BCOR: variants seen among roughly 807,000 people sequenced by gnomAD.
BCOR encodes the protein BCL-6 corepressor.
Under a neutral mutation model 86.7 loss-of-function variants are expected in BCOR, and 10 were observed. The observed-to-expected ratio is 0.12, with a 90% CI of 0.07 to 0.20. BCOR has a LOEUF of 0.20. BCOR is among the 10% of genes least tolerant of loss of function. The pLI, the probability that BCOR is intolerant of heterozygous loss-of-function variation, is 1.00. For missense variants in BCOR, 1,259 were observed against 1,452.1 expected, an observed-to-expected ratio of 0.87 and a Z score of 2.16; for synonymous variants, 611 against 609.0, an observed-to-expected ratio of 1.00 and a Z score of -0.05.
At chrX:40,056,008 C>T (rs1011152677) in intron 11 of BCOR, among the ~76,000 whole-genome samples, 2 of 108,882 alleles carry the variant, frequency 1.8e-5, no homozygotes, top group Admixed American at 9.9e-5. Context: ...TTTGTAGGGA[C>T]GGGGTCTTAC....
intron 1 of BCOR, among the ~76,000 whole-genome samples, chrX:40,171,584 G>A (rs748111699): frequency 1.8e-5 from 2 of 112,777 alleles, no homozygotes; most frequent in South Asian, 3.7e-4. Flanking sequence ...GCGCTAGAGC[G>A]GATGGAAACC....
chrX:40,168,608 C>T (rs1299741653), intron 1 of BCOR, among the ~76,000 whole-genome samples: 1 of 112,370 alleles, frequency 8.9e-6, no homozygotes, highest in Non-Finnish European at 1.9e-5. Flanking sequence ...GCGCGCACAC[C>T]TCACCTCCAC....
chrX:40,169,854 G>A (rs1330107857), intron 1 of BCOR, among the ~76,000 whole-genome samples: 1 of 111,477 alleles, frequency 9.0e-6, no homozygotes, highest in Non-Finnish European at 1.9e-5. Flanking sequence ...GGGGCAATGA[G>A]GTGGAGACGG....
Position 40,139,446 on chromosome X carries a change from A to AC in BCOR, c.-41+37560_-41+37561insG, listed in dbSNP as rs35673283. On this transcript the variant is annotated intron_variant, in intron 1 of 14. Transcript: ENST00000342274. ...TATACATATATATATATATATATAT[A>AC]ATATATATACATATATATATATATA... Among the ~76,000 whole-genome samples the AC allele has an allele frequency of 1.1e-3, 6 of 5,219 alleles. 1 individual carries two copies. The highest frequency in any genetic ancestry group is 8.3e-3 in the South Asian group (1 of 120). The allele number at this position is 5,219 out of a possible 115,157, so 4.5% of individuals were successfully genotyped here.
intron 1 of BCOR, among the ~76,000 whole-genome samples, chrX:40,088,475 G>A (rs1007686471): frequency 5.4e-5 from 6 of 111,386 alleles, no homozygotes; most frequent in African/African-American, 2.0e-4. Context: ...GAGGGAGGAG[G>A]AGGGGGAGAG....
At chrX:40,089,390 T>C (rs1033742264) in intron 1 of BCOR, among the ~76,000 whole-genome samples, 1 of 111,593 alleles carries the variant, frequency 9.0e-6, no homozygotes, top group Non-Finnish European at 1.9e-5. Flanking sequence ...AATTGTGCCA[T>C]TTGAAATCCT....
chrX:40,092,595 CA>C (rs1236533878), intron 1 of BCOR, among the ~76,000 whole-genome samples: 2 of 111,833 alleles, frequency 1.8e-5, no homozygotes, highest in African/African-American at 6.5e-5. Context: ...AGCAGTGCAA[CA>C]GCCATTCCTA....
chrX:40,109,051 C>T (rs1408931874), intron 1 of BCOR, among the ~76,000 whole-genome samples: 1 of 113,072 alleles, frequency 8.8e-6, no homozygotes, highest in Non-Finnish European at 1.9e-5. Context: ...CTGGCCCGCA[C>T]GATTCGCTCG....
upstream of BCOR, among the ~76,000 whole-genome samples, chrX:40,099,114 C>T (rs933029401): frequency 5.3e-5 from 6 of 112,810 alleles, no homozygotes; most frequent in Non-Finnish European, 1.1e-4. Flanking sequence ...TCGTGCTGAT[C>T]GGTGCTTGGC....
At chrX:40,105,096 T>TCAG (rs1022885841) in intron 1 of BCOR, among the ~76,000 whole-genome samples, 2 of 110,863 alleles carry the variant, frequency 1.8e-5, no homozygotes, top group African/African-American at 3.3e-5. Flanking sequence ...GCCCGCCATA[T>TCAG]CAGCAGCAGC....
chrX:40,169,850 A>G (rs1255950305), intron 1 of BCOR, among the ~76,000 whole-genome samples: 1 of 109,669 alleles, frequency 9.1e-6, no homozygotes. Context: ...ACGGGGGGCA[A>G]TGAGGTGGAG....
rs763713717 is a variant in BCOR at position 40,074,508 on chromosome X, C to T, written c.838G>A (p.Val280Ile). 10 of 1,204,791 alleles carry T rather than the reference C, an allele frequency of 8.3e-6. No homozygotes were observed. Among genetic ancestry groups the T allele is most frequent in the South Asian group, 3.6e-5 (2 of 55,993 alleles). ...PSASPAIPPL[V>I]HCADKSLPWK... is the part of the protein sequence containing the mutation. ...GGGAGGCTTTTGTCTGCGCAATGGA[C>T]GAGAGGCGGGATGGCTGGGGAGGCC... Residue 280 changes from valine to isoleucine, a missense_variant, in exon 4 of 15, where the codon GTC (valine) becomes ATC (isoleucine). Physicochemically the swap from Val to Ile is conservative, Grantham distance 29. Transcript: ENST00000378444.
At chrX:40,175,283 G>A (rs1206532217) in intron 1 of BCOR, among the ~76,000 whole-genome samples, 1 of 113,456 alleles carries the variant, frequency 8.8e-6, no homozygotes, top group East Asian at 2.8e-4. Flanking sequence ...GGCCCCGCGC[G>A]CGTAAGCGCG....
At chrX:40,143,137 G>A (rs1315789349) in intron 1 of BCOR, among the ~76,000 whole-genome samples, 1 of 112,029 alleles carries the variant, frequency 8.9e-6, no homozygotes, top group Non-Finnish European at 1.9e-5. Context: ...AAGGACTGGC[G>A]AGCTGCAGGG....
chrX:40,063,936 C>T lies in BCOR; in HGVS notation c.3519G>A (p.Arg1173=). 1.7e-6 allele frequency: 2 copies of T among 1,200,732 alleles called. No individual in the cohort carries two copies. Among genetic ancestry groups the T allele is most frequent in the Non-Finnish European group, 2.3e-6 (2 of 888,402 alleles). The change falls in exon 8 of 15, where the codon AGG becomes AGA. Residue 1173 remains arginine (R), a synonymous_variant. Coordinates refer to ENST00000378444, the MANE Select transcript of BCOR (RefSeq NM_001123385.2). ...RRVSKDDWPE[R]EMTNSSSNHL... is the part of the protein sequence containing the mutation. ...GGTTAGAGGAACTGTTTGTCATTTCCCTCTCAGGCCAGTCATCTAATGGAG... is the reference window on the plus strand; with the variant it reads ...GGTTAGAGGAACTGTTTGTCATTTCTCTCTCAGGCCAGTCATCTAATGGAG...
intron 1 of BCOR, among the ~76,000 whole-genome samples, chrX:40,175,472 A>G (rs1938725337): frequency 8.8e-6 from 1 of 113,362 alleles, no homozygotes; most frequent in South Asian, 3.5e-4. Context: ...CTTTTCCAAC[A>G]GAAAGTGTGT....
intron 1 of BCOR, among the ~76,000 whole-genome samples, chrX:40,136,290 T>C (rs1046189315): frequency 8.9e-6 from 1 of 111,959 alleles, no homozygotes; most frequent in African/African-American, 3.2e-5. Flanking sequence ...GAACCACAGG[T>C]GACCCACTGA....
At chrX:40,155,027 G>A (rs1938258359) in intron 1 of BCOR, among the ~76,000 whole-genome samples, 1 of 110,709 alleles carries the variant, frequency 9.0e-6, no homozygotes, top group Admixed American at 9.4e-5. Context: ...GCCGCGGCCC[G>A]CAGTGCGCCC....
At position 40,120,514 on chromosome X, in the gene BCOR, G is replaced by A. The variant is rs192397808; in HGVS notation, c.-40-42545C>T. On this transcript the variant is annotated intron_variant, in intron 1 of 14. Coordinates refer to the BCOR transcript ENST00000342274. Reference sequence around the variant, plus strand: ...TCCATCCATTTCCCCCACATCCAGCGCCCTGCACTGCCTAGCACAGCTTCT... The same window carrying A: ...TCCATCCATTTCCCCCACATCCAGCACCCTGCACTGCCTAGCACAGCTTCT... 1.2e-3 allele frequency among the ~76,000 whole-genome samples: 128 copies of A among 111,291 alleles called. 1 individual carries two copies. The East Asian group carries it at 0.035, about 31-fold the overall frequency.
Sources: gnomAD v4.1 joint callset for allele counts (sites outside exome capture counted in the v4.1 genomes callset) on GRCh38, gnomAD v4.1.1 for gene constraint, MANE v1.5 for transcripts, NCBI Gene and HGNC (gene_info 2026-07-23, HGNC 2026-07-21) for gene names.